UBASH3A: variants seen among roughly 807,000 people sequenced by gnomAD.
UBASH3A encodes the protein ubiquitin associated and SH3 domain containing A, also known as ubiquitin-associated and SH3 domain-containing protein A.
In UBASH3A, 63 loss-of-function variants were observed where a neutral mutation model predicts 73.5. The ratio of observed to expected loss-of-function variants is 0.86; its 90% CI spans 0.70 to 1.06. UBASH3A has a LOEUF of 1.06. Ranked by LOEUF, UBASH3A falls within the 50% of genes least tolerant of loss-of-function variation. UBASH3A has a pLI of 0.00. For missense variants in UBASH3A, 860 were observed against 859.0 expected (o/e 1.00, Z -0.02); for synonymous variants, 363 against 351.1 (o/e 1.03, Z -0.38).
chr21:42,416,579 T>C lies in UBASH3A; in HGVS notation c.805T>C (p.Tyr269His), dbSNP rs1377211336. Residue 269 changes from tyrosine (Y) to histidine (H), a missense_variant, in exon 6 of 15, where the codon TAC becomes CAC. Tyr to His is a moderately conservative substitution (Grantham distance 83). Transcript: ENST00000319294. ...GHSCQWTAAL[Y>H]SRDMRFVHYQ... ...CAGCTGCCAGTGGACCGCAGCACTCTACTCCCGAGACATGCGCTTTGTGCA... is the reference window on the plus strand; with the variant it reads ...CAGCTGCCAGTGGACCGCAGCACTCCACTCCCGAGACATGCGCTTTGTGCA... 2.5e-6 allele frequency: 4 copies of C among 1,605,004 alleles called. No individual in the cohort carries two copies. The highest frequency in any genetic ancestry group is 1.7e-5 in the Admixed American group (1 of 58,628).
intron 2 of UBASH3A, among the ~76,000 whole-genome samples, chr21:42,408,999 G>A (rs2053037585): frequency 6.6e-6 from 1 of 151,980 alleles, no homozygotes; most frequent in Non-Finnish European, 1.5e-5. Flanking sequence ...ATTTTGTCTA[G>A]GTTTTTGGTT....
intron 3 of UBASH3A, chr21:42,410,559 A>C (rs770670828): frequency 1.9e-5 from 6 of 313,070 alleles, no homozygotes; most frequent in Non-Finnish European, 2.9e-5. Flanking sequence ...ACTTGCAGGG[A>C]TCCCCAGAGC....
chr21:42,442,339 A>T, intron 11 of UBASH3A, 113 bp from the exon 12 acceptor site: 1 of 1,108,708 alleles, frequency 9.0e-7, no homozygotes, highest in South Asian at 1.5e-5. Flanking sequence ...ACACTGTTTA[A>T]AAGGCATGAT....
Position 42,413,492 on chromosome 21 carries a change from C to T in UBASH3A, c.636C>T (p.Ala212=). 6.2e-7 allele frequency: 1 copy of T among 1,614,074 alleles called. No individual in the cohort carries two copies. The highest frequency in any genetic ancestry group is 8.5e-7 in the Non-Finnish European group (1 of 1,179,944). The part of the protein sequence containing the change: ...PNLRLSNLTR[A]SFVSHYILQK... ...TGAGGCTGAGCAATTTAACTAGAGC[C>T]TCCTTCGTGAGCCACTACATCCTTC... The change falls in exon 5 of 15, where the codon GCC becomes GCT. Residue 212 remains alanine, a synonymous_variant. Transcript: ENST00000319294. The surrounding 1 kb of genome is among the most constrained non-coding windows in gnomAD (Gnocchi z 4.5).
chr21:42,429,726 A>G (rs1021212624), intron 8 of UBASH3A, among the ~76,000 whole-genome samples: 1 of 152,182 alleles, frequency 6.6e-6, no homozygotes, highest in Non-Finnish European at 1.5e-5. Context: ...AGAGAGCAAG[A>G]CAGCAAGACA....
intron 9 of UBASH3A, 95 bp downstream of exon 9, chr21:42,432,297 T>C: frequency 2.5e-6 from 2 of 791,794 alleles, no homozygotes; most frequent in Non-Finnish European, 4.2e-6. Context: ...CCAGATCCCC[T>C]GAGGCACCAT....
At chr21:42,446,949 C>T (rs3827232) in intron 14 of UBASH3A, 108 bp from the exon 15 acceptor site, 411,030 of 1,320,248 alleles carry the variant, frequency 0.31, 66,822 homozygotes, top group Non-Finnish European at 0.33. Context: ...CCTGGGCAGT[C>T]GCAGACCCTC....
intron 7 of UBASH3A, among the ~76,000 whole-genome samples, chr21:42,421,206 C>T (rs2053332319): frequency 6.6e-6 from 1 of 152,190 alleles, no homozygotes; most frequent in Admixed American, 6.5e-5. Flanking sequence ...GCTGCTCAGC[C>T]TCATGGGTGT....
intron 14 of UBASH3A, among the ~76,000 whole-genome samples, chr21:42,445,284 T>G (rs773518814): frequency 6.6e-6 from 1 of 152,176 alleles, no homozygotes; most frequent in Non-Finnish European, 1.5e-5. Flanking sequence ...TCCCTGCAGA[T>G]CTACTCAAGG....
In UBASH3A at chr21:42,411,766, G is replaced by T. The variant is rs540290017; in HGVS notation, c.355-1258G>T. ...AATGAAAACACTAATCTTCCGAAGT[G>T]TGATATTGATCACAGCTACACTTAT... On this transcript the variant is annotated intron_variant, in intron 3 of 14. Coordinates refer to ENST00000319294, the MANE Select transcript of UBASH3A (RefSeq NM_018961.4). Among the ~76,000 whole-genome samples the T allele has an allele frequency of 2.6e-5, 4 of 152,348 alleles. No individual in the cohort carries two copies. In the South Asian group the frequency reaches 8.3e-4, roughly 32 times the overall value.
At chr21:42,404,119 G>A (rs752349742) in intron 1 of UBASH3A, 61 bp downstream of exon 1, 17 of 1,016,046 alleles carry the variant, frequency 1.7e-5, no homozygotes, top group African/African-American at 3.3e-5. Context: ...ACCCTGCTGC[G>A]GCCCCCGGCA....
At chr21:42,437,414 G>A in intron 10 of UBASH3A, 74 bp from the exon 11 acceptor site, 1 of 1,390,430 alleles carries the variant, frequency 7.2e-7, no homozygotes, top group Non-Finnish European at 1.0e-6. Flanking sequence ...CTACCACAGG[G>A]AGCACATGGC....
chr21:42,430,887 C>T lies in UBASH3A; in HGVS notation c.1171-1216C>T, dbSNP rs2053516638. On this transcript the variant is annotated intron_variant, in intron 8 of 14. Coordinates refer to ENST00000319294, the MANE Select transcript of UBASH3A (RefSeq NM_018961.4). The stretch of plus-strand genomic sequence containing the variant: ...GCCTGTGTTGCTGCAGGGTTCCCCA[C>T]CTCTTGCTCTGAAATGGACCCCCCT... Among the ~76,000 whole-genome samples the T allele has an allele frequency of 2.0e-5, 3 of 152,142 alleles. No individual in the cohort carries two copies. The South Asian group carries it at 6.2e-4, about 32-fold the overall frequency.
chr21:42,422,579 C>G (rs2053356588), intron 7 of UBASH3A, among the ~76,000 whole-genome samples: 1 of 152,142 alleles, frequency 6.6e-6, no homozygotes, highest in Admixed American at 6.5e-5. Context: ...ACTATGACCT[C>G]AACTGCCTAT....
intron 11 of UBASH3A, among the ~76,000 whole-genome samples, chr21:42,440,468 A>T (rs929535147): frequency 3.3e-5 from 5 of 152,370 alleles, no homozygotes; most frequent in South Asian, 4.1e-4. Context: ...ATGCACACAA[A>T]TATATGACAA....
At chr21:42,416,162 C>T (rs1379047248) in intron 5 of UBASH3A, among the ~76,000 whole-genome samples, 1 of 152,124 alleles carries the variant, frequency 6.6e-6, no homozygotes, top group Non-Finnish European at 1.5e-5. Flanking sequence ...AATGGAGGAG[C>T]CGTTTACTCT....
At chr21:42,412,969 T>C (rs2053129948) in intron 3 of UBASH3A, 55 bp from the exon 4 acceptor site, 1 of 1,391,178 alleles carries the variant, frequency 7.2e-7, no homozygotes, top group African/African-American at 1.4e-5. Context: ...ATTAAATTAA[T>C]AGATGACTTC....
intron 7 of UBASH3A, among the ~76,000 whole-genome samples, chr21:42,424,046 A>T (rs1336839543): frequency 6.6e-6 from 1 of 152,154 alleles, no homozygotes; most frequent in Non-Finnish European, 1.5e-5. Context: ...ATGTCTCCAC[A>T]CATCACTGAC....
intron 11 of UBASH3A, among the ~76,000 whole-genome samples, chr21:42,440,021 CCA>C (rs1217747420): frequency 2.0e-5 from 3 of 147,256 alleles, no homozygotes; most frequent in Middle Eastern, 3.6e-3. Context: ...CAACACACAC[CCA>C]CACACACACC....
Sources: allele counts gnomAD v4.1 joint callset (sites outside exome capture counted in the v4.1 genomes callset), GRCh38; gene constraint gnomAD v4.1.1; non-coding constraint Gnocchi (gnomAD v3.1); transcripts MANE v1.5; gene names NCBI Gene and HGNC (gene_info 2026-07-23, HGNC 2026-07-21).